HAND2: variants seen among roughly 807,000 people sequenced by gnomAD.
HAND2 encodes heart- and neural crest derivatives-expressed protein 2.
A neutral mutation model predicts 14.7 loss-of-function variants in HAND2; 2 were observed. That is an observed-to-expected ratio of 0.14 (90% CI 0.06 to 0.43). HAND2 has a LOEUF of 0.43. HAND2 is among the 20% of genes least tolerant of loss of function. The pLI, the probability that HAND2 is intolerant of heterozygous loss-of-function variation, is 0.99. For synonymous variants in HAND2, 162 were observed against 135.9 expected (o/e 1.19, Z -1.34); for missense variants, 275 against 313.6 (o/e 0.88, Z 0.93).
In HAND2 at chr4:173,529,082, T is replaced by C; in HGVS notation, c.208A>G (p.Ser70Gly). The change falls in exon 1 of 2, where the codon AGC (serine) becomes GGC (glycine). Residue 70 changes from serine (S) to glycine (G), a missense_variant. Physicochemically the swap from Ser to Gly is moderately conservative, Grantham distance 56 (BLOSUM62 0). Transcript: ENST00000359562. The part of the protein sequence containing the change: ...MALSYSPEYA[S>G]GAAGLDHSHY... ...GAGTGGTCCAGGCCGGCGGCGCCGCTGGCATACTCGGGGCTGTAGGACAGG... is the reference window on the plus strand; with the variant it reads ...GAGTGGTCCAGGCCGGCGGCGCCGCCGGCATACTCGGGGCTGTAGGACAGG... 1.3e-6 allele frequency: 2 copies of C among 1,504,616 alleles called. No individual in the cohort carries two copies. Among genetic ancestry groups the C allele is most frequent in the Non-Finnish European group, 8.8e-7 (1 of 1,138,942 alleles). 93.2% of individuals were successfully genotyped at this position (1,504,616 alleles called of 1,614,324 possible).
At position 173,529,715 on chromosome 4, in the gene HAND2, C is replaced by A. The variant is rs1421244852; in HGVS notation, c.-426G>T. 1 of 152,178 alleles carries A rather than the reference C, an allele frequency of 6.6e-6. No individual in the cohort carries two copies. Among genetic ancestry groups the A allele is most frequent in the Non-Finnish European group, 1.5e-5 (1 of 68,054 alleles). The allele number at this position is 152,178 out of a possible 1,614,324, so 9.4% of individuals were successfully genotyped here. ...TACGCGGAGTCTCGGGAATCCAAGC[C>A]CGGGCCGCGGTCCTGGCACCGAAGC... On this transcript the variant is annotated 5_prime_UTR_variant, in exon 1 of 2. Coordinates refer to ENST00000359562, the MANE Select transcript of HAND2 (RefSeq NM_021973.3).
Position 173,528,483 on chromosome 4 carries a change from G to A in HAND2, c.555+252C>T, listed in dbSNP as rs1052891488. 3.1e-5 allele frequency: 17 copies of A among 545,026 alleles called. No individual in the cohort carries two copies. Among genetic ancestry groups the A allele is most frequent in the Non-Finnish European group, 4.6e-5 (14 of 301,600 alleles). The allele number at this position is 545,026 out of a possible 1,614,324, so 33.8% of individuals were successfully genotyped here. A position where few individuals can be genotyped will look rare whatever the true frequency, so the allele number is the denominator to read the frequency against. Reference sequence around the variant, plus strand: ...TCAAGGTCCGTCCTAAGTACTAGGGGAGCAGCGATAACCCGGAGGTAAGAT... The same window carrying A: ...TCAAGGTCCGTCCTAAGTACTAGGGAAGCAGCGATAACCCGGAGGTAAGAT... On this transcript the variant is annotated intron_variant, in intron 1 of 1. Coordinates refer to ENST00000359562, the MANE Select transcript of HAND2 (RefSeq NM_021973.3). The surrounding 1 kb of genome is among the most constrained non-coding windows in gnomAD (Gnocchi z 5.6).
rs1214159732 is a variant in HAND2 at position 173,528,906 on chromosome 4, G to A, written c.384C>T (p.Asn128=). ...AFAELRECIP[N]VPADTKLSKI... is the part of the protein sequence containing the mutation. The stretch of plus-strand genomic sequence containing the variant: ...TGGAGAGTTTGGTGTCGGCGGGTAC[G>A]TTGGGGATGCACTCGCGCAGTTCGG... Residue 128 remains asparagine, a synonymous_variant, in exon 1 of 2, where the codon AAC becomes AAT. Coordinates refer to ENST00000359562, the MANE Select transcript of HAND2 (RefSeq NM_021973.3). The surrounding 1 kb of genome is among the most constrained non-coding windows in gnomAD (Gnocchi z 5.6). 10 of 1,613,990 alleles carry A rather than the reference G, an allele frequency of 6.2e-6. No homozygotes were observed. In the Admixed American group the frequency reaches 8.3e-5, roughly 13 times the overall value.
At position 173,529,064 on chromosome 4, in the gene HAND2, C is replaced by A; in HGVS notation, c.226G>T (p.Asp76Tyr). 2 of 1,500,282 alleles carry A rather than the reference C, an allele frequency of 1.3e-6. No individual in the cohort carries two copies. Among genetic ancestry groups the A allele is most frequent in the Non-Finnish European group, 1.8e-6 (2 of 1,135,476 alleles). 92.9% of individuals were successfully genotyped at this position (1,500,282 alleles called of 1,614,324 possible). ...GGCACCCCCCCGTAATGGGAGTGGT[C>A]CAGGCCGGCGGCGCCGCTGGCATAC... ...PEYASGAAGL[D>Y]HSHYGGVPPG... is the part of the protein sequence containing the mutation. The change falls in exon 1 of 2, where the codon GAC (aspartate) becomes TAC (tyrosine). Residue 76 changes from aspartate (D) to tyrosine (Y), a missense_variant. Asp to Tyr is a radical substitution (Grantham distance 160). Transcript: ENST00000359562.
chr4:173,529,556 G>GGCCGCCGCC lies in HAND2; in HGVS notation c.-276_-268dup, dbSNP rs930983811. The GGCCGCCGCC allele has an allele frequency of 1.3e-5, 2 of 153,858 alleles. No individual in the cohort carries two copies. Among genetic ancestry groups the GGCCGCCGCC allele is most frequent in the Admixed American group, 1.3e-4 (2 of 15,216 alleles). The allele number at this position is 153,858 out of a possible 1,614,324, so 9.5% of individuals were successfully genotyped here. The stretch of plus-strand genomic sequence containing the variant: ...GCTGGTCCTGGCACCGTGCGCCCCT[G>GGCCGCCGCC]GCCGCCGCCGCCGCCGCCTCCGGTT... On this transcript the variant is annotated 5_prime_UTR_variant, in exon 1 of 2. Transcript: ENST00000359562.
rs1263769408 is a variant in HAND2 at position 173,528,393 on chromosome 4, G to A, written c.555+342C>T. 2.9e-6 allele frequency: 1 copy of A among 339,540 alleles called. No individual in the cohort carries two copies. Among genetic ancestry groups the A allele is most frequent in the Non-Finnish European group, 5.6e-6 (1 of 179,532 alleles). 21.0% of individuals were successfully genotyped at this position (339,540 alleles called of 1,614,324 possible). A position where few individuals can be genotyped will look rare whatever the true frequency, so the allele number is the denominator to read the frequency against. ...GATTGGATTGGAGGCCAAAAGAAGG[G>A]TCTAACAGAGACGGGGTGAGGCATC... On this transcript the variant is annotated intron_variant, in intron 1 of 1. Transcript: ENST00000359562. The surrounding 1 kb of genome is among the most constrained non-coding windows in gnomAD (Gnocchi z 5.6).
At chr4:173,527,770 T>A in intron 1 of HAND2, 1 of 214,628 alleles carries the variant, frequency 4.7e-6, no homozygotes, top group Non-Finnish European at 9.4e-6. Context: ...GAGCCTCTGT[T>A]TCGGCCTGGG....
Position 173,527,320 on chromosome 4 carries a change from G to A in HAND2, c.611C>T (p.Thr204Met). ...GGCCCAGACGTGCTGCGGCCAGCCCGTCCGGCCTTTGGTTTTCTTGTCGTT... is the reference window on the plus strand; with the variant it reads ...GGCCCAGACGTGCTGCGGCCAGCCCATCCGGCCTTTGGTTTTCTTGTCGTT... ...SSNDKKTKGRTGWPQHVWALE... is the reference protein window; with the variant it reads ...SSNDKKTKGRMGWPQHVWALE... Residue 204 changes from threonine (T) to methionine (M), a missense_variant, in exon 2 of 2, where the codon ACG (threonine) becomes ATG (methionine). Coordinates refer to ENST00000359562, the MANE Select transcript of HAND2 (RefSeq NM_021973.3). 6.2e-7 allele frequency: 1 copy of A among 1,613,604 alleles called. No homozygotes were observed.
Position 173,529,179 on chromosome 4 carries a change from A to G in HAND2, c.111T>C (p.His37=), listed in dbSNP as rs1731610742. 6.9e-7 allele frequency: 1 copy of G among 1,455,426 alleles called. No homozygotes were observed. Among genetic ancestry groups the G allele is most frequent in the Non-Finnish European group, 9.0e-7 (1 of 1,112,478 alleles). The allele number at this position is 1,455,426 out of a possible 1,614,324, so 90.2% of individuals were successfully genotyped here. The change falls in exon 1 of 2, where the codon CAT becomes CAC. Residue 37 remains histidine (H), a synonymous_variant. Transcript: ENST00000359562. ...AAAAAASRCS[H]EENPYFHGWL... Reference sequence around the variant, plus strand: ...AGCCATGGAAGTAGGGGTTCTCCTCATGGCTGCAGCGGCTGGCGGCGGCGG... The same window carrying G: ...AGCCATGGAAGTAGGGGTTCTCCTCGTGGCTGCAGCGGCTGGCGGCGGCGG...
In HAND2 at chr4:173,529,169, G is replaced by C. The variant is rs1277911492; in HGVS notation, c.121C>G (p.Pro41Ala). The C allele has an allele frequency of 1.4e-6, 2 of 1,473,546 alleles. No homozygotes were observed. Among genetic ancestry groups the C allele is most frequent in the African/African-American group, 1.5e-5 (1 of 67,252 alleles). The allele number at this position is 1,473,546 out of a possible 1,614,324, so 91.3% of individuals were successfully genotyped here. A position where few individuals can be genotyped will look rare whatever the true frequency, so the allele number is the denominator to read the frequency against. The change falls in exon 1 of 2, where the codon CCC (proline) becomes GCC (alanine). Residue 41 changes from proline to alanine, a missense_variant. Transcript: ENST00000359562. ...AASRCSHEEN[P>A]YFHGWLIGHP... The stretch of plus-strand genomic sequence containing the variant: ...CCGATGAGCCAGCCATGGAAGTAGG[G>C]GTTCTCCTCATGGCTGCAGCGGCTG...
In HAND2 at chr4:173,529,003, C is replaced by G. The variant is rs1284601345; in HGVS notation, c.287G>C (p.Arg96Pro). The G allele has an allele frequency of 1.6e-5, 25 of 1,609,272 alleles. No individual in the cohort carries two copies. Among genetic ancestry groups the G allele is most frequent in the Non-Finnish European group, 2.1e-5 (25 of 1,177,950 alleles). The change falls in exon 1 of 2, where the codon CGC (arginine) becomes CCC (proline). Residue 96 changes from arginine (R) to proline (P), a missense_variant. Coordinates refer to ENST00000359562, the MANE Select transcript of HAND2 (RefSeq NM_021973.3). The stretch of plus-strand genomic sequence containing the variant: ...GGCGGTGCCTCGGCGCTTCACCGGG[C>G]GCGGCCCCCCCAGGCCCGGGGGCCC... ...GAGPPGLGGP[R>P]PVKRRGTANR...
Position 173,527,270 on chromosome 4 carries a change from C to T in HAND2, c.*7G>A, listed in dbSNP as rs774810701. 7 of 1,603,566 alleles carry T rather than the reference C, an allele frequency of 4.4e-6. No homozygotes were observed. The Admixed American group carries it at 8.3e-5, about 19-fold the overall frequency. On this transcript the variant is annotated 3_prime_UTR_variant, in exon 2 of 2. Transcript: ENST00000359562. Reference sequence around the variant, plus strand: ...TCGCGCTCTCCTCCTCCTCCTTCTCCTCCTCCTCACTGCTTGAGCTCCAGG... The same window carrying T: ...TCGCGCTCTCCTCCTCCTCCTTCTCTTCCTCCTCACTGCTTGAGCTCCAGG...
rs1731475001 is a variant in HAND2, at chr4:173,527,006, C to A, written c.*271G>T. 1.6e-6 allele frequency: 1 copy of A among 627,990 alleles called. No homozygotes were observed. The highest frequency in any genetic ancestry group is 1.8e-5 in the African/African-American group (1 of 55,728). 38.9% of individuals were successfully genotyped at this position (627,990 alleles called of 1,614,324 possible). A position where few individuals can be genotyped will look rare whatever the true frequency, so the allele number is the denominator to read the frequency against. On this transcript the variant is annotated 3_prime_UTR_variant, in exon 2 of 2. Transcript: ENST00000359562. Reference sequence around the variant, plus strand: ...CACAGAATCTATGAGACGACGGGATCCCTTACCACACGGGAGTGTCCTCTT... The same window carrying A: ...CACAGAATCTATGAGACGACGGGATACCTTACCACACGGGAGTGTCCTCTT...
In HAND2 at chr4:173,526,287, T is replaced by G. The variant is rs1731450767; in HGVS notation, c.*990A>C. 6.6e-6 allele frequency: 1 copy of G among 152,268 alleles called. No individual in the cohort carries two copies. Among genetic ancestry groups the G allele is most frequent in the African/African-American group, 2.4e-5 (1 of 41,448 alleles). 9.4% of individuals were successfully genotyped at this position (152,268 alleles called of 1,614,324 possible). On this transcript the variant is annotated 3_prime_UTR_variant, in exon 2 of 2. Coordinates refer to ENST00000359562, the MANE Select transcript of HAND2 (RefSeq NM_021973.3). ...ACACCTTCTGAGCGAACTGCCGGAC[T>G]GGGTTCTCCAGCCCAGATCTTCCTT...
chr4:173,529,945 C>T lies in HAND2; in HGVS notation c.-656G>A, dbSNP rs2110909165. The T allele has an allele frequency of 6.6e-6, 1 of 152,116 alleles. No homozygotes were observed. The highest frequency in any genetic ancestry group is 2.1e-4 in the South Asian group (1 of 4,792). The allele number at this position is 152,116 out of a possible 1,614,324, so 9.4% of individuals were successfully genotyped here. On this transcript the variant is annotated 5_prime_UTR_variant, in exon 1 of 2. Coordinates refer to ENST00000359562, the MANE Select transcript of HAND2 (RefSeq NM_021973.3). ...AATTTTTGGTTGTTGTTGTTTTGGT[C>T]CTTAAATGTGATTTTAGCTGCGAGT...
rs1237316991 is a variant in HAND2 at position 173,530,168 on chromosome 4, C to T, written c.-879G>A. On this transcript the variant is annotated 5_prime_UTR_variant, in exon 1 of 2. Coordinates refer to ENST00000359562, the MANE Select transcript of HAND2 (RefSeq NM_021973.3). This position sits in a 1 kb window ranked among gnomAD's most constrained non-coding sequence, Gnocchi z 6.2. ...GCTCCGGGGTGACGGCGGTGGTTCTCCTGGGCTGGACGACGTGAGGGGAGC... is the reference window on the plus strand; with the variant it reads ...GCTCCGGGGTGACGGCGGTGGTTCTTCTGGGCTGGACGACGTGAGGGGAGC... The T allele has an allele frequency of 6.6e-6, 1 of 152,078 alleles. No individual in the cohort carries two copies. The highest frequency in any genetic ancestry group is 1.5e-5 in the Non-Finnish European group (1 of 68,114). The allele number at this position is 152,078 out of a possible 1,614,324, so 9.4% of individuals were successfully genotyped here. A position where few individuals can be genotyped will look rare whatever the true frequency, so the allele number is the denominator to read the frequency against.
chr4:173,528,956 T>A lies in HAND2; in HGVS notation c.334A>T (p.Thr112Ser). ...GTANRKERRR[T>S]QSINSAFAEL... ...GCGAAGGCGCTGTTGATGCTCTGAGTCCTGCGCCGCTCCTTGCGGTTGGCG... is the reference window on the plus strand; with the variant it reads ...GCGAAGGCGCTGTTGATGCTCTGAGACCTGCGCCGCTCCTTGCGGTTGGCG... The change falls in exon 1 of 2, where the codon ACT becomes TCT. Residue 112 changes from threonine to serine, a missense_variant. By Grantham distance (58) the Thr-to-Ser change is moderately conservative (BLOSUM62 1). Transcript: ENST00000359562. This position sits in a 1 kb window ranked among gnomAD's most constrained non-coding sequence, Gnocchi z 5.6. 6.2e-7 allele frequency: 1 copy of A among 1,613,650 alleles called. No homozygotes were observed. The highest frequency in any genetic ancestry group is 1.1e-5 in the South Asian group (1 of 91,040).
Position 173,528,771 on chromosome 4 carries a change from C to T in HAND2, c.519G>A (p.Lys173=). ...EAEAFKAEIK[K]TDVKEEKRKK... is the part of the protein sequence containing the mutation. ...TCCTCTTCTCCTCTTTCACGTCGGT[C>T]TTCTTGATCTCTGCCTTGAAGGCCT... Residue 173 remains lysine (K), a synonymous_variant, in exon 1 of 2, where the codon AAG becomes AAA. Transcript: ENST00000359562. The surrounding 1 kb of genome is among the most constrained non-coding windows in gnomAD (Gnocchi z 5.6). 2 of 1,614,198 alleles carry T rather than the reference C, an allele frequency of 1.2e-6. No homozygotes were observed. Among genetic ancestry groups the T allele is most frequent in the Non-Finnish European group, 1.7e-6 (2 of 1,180,022 alleles).
chr4:173,528,148 G>C lies in HAND2; in HGVS notation c.555+587C>G, dbSNP rs955363808. Reference sequence around the variant, plus strand: ...CTCATCTGGGAAATTACATTTTAACGTCATAGCCAAGGAAAAATTGGAGCT... The same window carrying C: ...CTCATCTGGGAAATTACATTTTAACCTCATAGCCAAGGAAAAATTGGAGCT... On this transcript the variant is annotated intron_variant, in intron 1 of 1. Transcript: ENST00000359562. The surrounding 1 kb of genome is among the most constrained non-coding windows in gnomAD (Gnocchi z 5.6). The C allele has an allele frequency of 8.4e-5, 13 of 155,042 alleles. No homozygotes were observed. Among genetic ancestry groups the C allele is most frequent in the African/African-American group, 3.1e-4 (13 of 41,446 alleles). 9.6% of individuals were successfully genotyped at this position (155,042 alleles called of 1,614,324 possible). A position where few individuals can be genotyped will look rare whatever the true frequency, so the allele number is the denominator to read the frequency against.
Sources: gnomAD v4.1 joint callset for allele counts on GRCh38, gnomAD v4.1.1 for gene constraint, Gnocchi (gnomAD v3.1) non-coding constraint, MANE v1.5 for transcripts, NCBI Gene and HGNC (gene_info 2026-07-23, HGNC 2026-07-21) for gene names.